Variants in LTN1 observed in about 807,000 individuals in gnomAD.
LTN1 encodes the protein listerin E3 ubiquitin protein ligase 1.
LTN1 carries 88 observed loss-of-function variants against 201.2 expected under a neutral mutation model. The observed-to-expected ratio is 0.44, with a 90% CI of 0.37 to 0.52. The LOEUF is 0.52. Among genes scored for constraint, LTN1 ranks in the 20% least tolerant of loss-of-function variants. The pLI, the probability that LTN1 is intolerant of heterozygous loss-of-function variation, is 0.00. For synonymous variants in LTN1, 645 were observed against 713.5 expected, an observed-to-expected ratio of 0.90 and a Z score of 1.53; for missense variants, 1,752 against 2,038.7, an observed-to-expected ratio of 0.86 and a Z score of 2.71.
In LTN1 at chr21:28,967,049, T is replaced by C; in HGVS notation, c.1442A>G (p.His481Arg). 1.2e-6 allele frequency: 2 copies of C among 1,614,158 alleles called. No individual in the cohort carries two copies. The highest frequency in any genetic ancestry group is 1.7e-6 in the Non-Finnish European group (2 of 1,180,026). The change falls in exon 10 of 30, where the codon CAC becomes CGC. Residue 481 changes from histidine to arginine, a missense_variant. By Grantham distance (29) the His-to-Arg change is conservative. Around this residue, in one of 3 missense-constraint regions of LTN1, gnomAD observed 1,211 missense variants for 1,312.8 expected, o/e 0.92. Coordinates refer to ENST00000361371, the MANE Select transcript of LTN1 (RefSeq NM_015565.3). ...ATGTATCAGTACGTTCTCCAAGTTG[T>C]GAGCTGTTTTTTCATCTTTTTCCGT... Reference protein sequence around the residue: ...ADTEKDEKTAHNLENVLIHFW... With the variant: ...ADTEKDEKTARNLENVLIHFW...
chr21:28,947,587 C>A lies in LTN1; in HGVS notation c.3364G>T (p.Gly1122Cys). 6.4e-7 allele frequency: 1 copy of A among 1,559,264 alleles called. No homozygotes were observed. Among genetic ancestry groups the A allele is most frequent in the East Asian group, 2.3e-5 (1 of 42,992 alleles). Residue 1122 changes from glycine (G) to cysteine (C), a missense_variant, in exon 19 of 30, where the codon GGC becomes TGC. This residue lies in a region of LTN1 where 1,211 missense variants were observed against 1,312.8 expected (regional missense o/e 0.92). Coordinates refer to ENST00000361371, the MANE Select transcript of LTN1 (RefSeq NM_015565.3). ...AGACTTTGAATGGTATGCAAATTGCCTTCAGTTAGTGGAAAAAAACTGTTT... is the reference window on the plus strand; with the variant it reads ...AGACTTTGAATGGTATGCAAATTGCATTCAGTTAGTGGAAAAAAACTGTTT... Reference protein sequence around the residue: ...RKESFFPLTEGNLHTIQSLCP... With the variant: ...RKESFFPLTECNLHTIQSLCP...
At chr21:28,936,082 A>G (rs1361971600) in intron 26 of LTN1, among the ~76,000 whole-genome samples, 1 of 152,172 alleles carries the variant, frequency 6.6e-6, no homozygotes, top group Non-Finnish European at 1.5e-5. Flanking sequence ...TACTCACAAG[A>G]TGCAGTCCAT....
chr21:28,990,710 T>C (rs1049605543), intron 1 of LTN1, among the ~76,000 whole-genome samples: 1 of 152,198 alleles, frequency 6.6e-6, no homozygotes, highest in East Asian at 1.9e-4. Flanking sequence ...CTATGAAGAA[T>C]TCCTTCTAAA....
intron 25 of LTN1, 139 bp from the exon 26 acceptor site, chr21:28,936,836 T>C: frequency 1.5e-6 from 1 of 656,508 alleles, no homozygotes; most frequent in South Asian, 2.1e-5. Context: ...AACACATTTC[T>C]AATATCTTTC....
At chr21:28,981,891 T>C (rs997990474) in intron 5 of LTN1, among the ~76,000 whole-genome samples, 1 of 152,232 alleles carries the variant, frequency 6.6e-6, no homozygotes, top group Non-Finnish European at 1.5e-5. Context: ...GTTATTTTCA[T>C]CTCTACATAT....
intron 9 of LTN1, 38 bp from the exon 10 acceptor site, chr21:28,967,217 G>A (rs1265757816): frequency 2.1e-6 from 3 of 1,436,570 alleles, no homozygotes; most frequent in Non-Finnish European, 2.9e-6. Flanking sequence ...ATATATATTT[G>A]GTCTTCAACC....
chr21:28,934,478 G>A (rs1217200540), intron 27 of LTN1, among the ~76,000 whole-genome samples: 1 of 152,092 alleles, frequency 6.6e-6, no homozygotes, highest in Non-Finnish European at 1.5e-5. Context: ...CATGAGATCT[G>A]GTTGTTTAAA....
chr21:28,957,009 A>C, intron 15 of LTN1, 61 bp from the exon 16 acceptor site: 1 of 1,046,684 alleles, frequency 9.6e-7, no homozygotes, highest in Non-Finnish European at 1.4e-6. Flanking sequence ...AGACTGAACA[A>C]AAATGAAGTT....
At position 28,930,365 on chromosome 21, in the gene LTN1, C is replaced by T. The variant is rs1601156531; in HGVS notation, c.*83G>A. On this transcript the variant is annotated 3_prime_UTR_variant, in exon 30 of 30. Transcript: ENST00000361371. ...ATTTAAAAGTAATGCTCACTGGCTT[C>T]CCCACATCCACACTTTCAGACGGAT... The T allele has an allele frequency of 3.0e-6, 3 of 997,722 alleles. No homozygotes were observed. Among genetic ancestry groups the T allele is most frequent in the Non-Finnish European group, 1.5e-6 (1 of 652,408 alleles). The allele number at this position is 997,722 out of a possible 1,614,324, so 61.8% of individuals were successfully genotyped here.
chr21:28,959,267 G>A, intron 13 of LTN1, 191 bp downstream of exon 13: 1 of 566,370 alleles, frequency 1.8e-6, no homozygotes, highest in Non-Finnish European at 3.0e-6. Context: ...GAGATCTTTA[G>A]AAATAACATC....
chr21:28,936,497 G>C, intron 26 of LTN1, 29 bp downstream of exon 26: 1 of 1,559,292 alleles, frequency 6.4e-7, no homozygotes, highest in Non-Finnish European at 8.7e-7. Context: ...TAGTGTCCAA[G>C]AAAGAACATA....
chr21:28,946,336 G>A (rs1450186561), intron 19 of LTN1, 49 bp from the exon 20 acceptor site: 3 of 1,272,402 alleles, frequency 2.4e-6, no homozygotes, highest in South Asian at 1.6e-5. Context: ...GAACTATATC[G>A]CTACTATTAA....
At chr21:28,962,729 AG>A (rs771503614) in intron 11 of LTN1, among the ~76,000 whole-genome samples, 7 of 152,242 alleles carry the variant, frequency 4.6e-5, no homozygotes, top group Non-Finnish European at 7.3e-5. Flanking sequence ...AAGCTTAGCA[AG>A]GAAGGCATGT....
At chr21:28,992,438 G>A (rs893377123) in intron 1 of LTN1, among the ~76,000 whole-genome samples, 2 of 152,060 alleles carry the variant, frequency 1.3e-5, no homozygotes, top group African/African-American at 4.8e-5. Flanking sequence ...TCTTCCCAGC[G>A]CCGCCCTCCC....
chr21:28,968,566 A>G lies in LTN1; in HGVS notation c.1311+900T>C, dbSNP rs563514715. The stretch of plus-strand genomic sequence containing the variant: ...GCTTCATGATTTATTTAAACTTACT[A>G]CAAAAGATCATAAATAGCAACTTCA... On this transcript the variant is annotated intron_variant, in intron 9 of 29. Coordinates refer to ENST00000361371, the MANE Select transcript of LTN1 (RefSeq NM_015565.3). Among the ~76,000 whole-genome samples the G allele has an allele frequency of 2.0e-4, 31 of 152,298 alleles. No homozygotes were observed. In the South Asian group the frequency reaches 2.9e-3, roughly 14 times the overall value.
chr21:28,949,358 C>T (rs56194343), intron 18 of LTN1, among the ~76,000 whole-genome samples: 3,756 of 152,200 alleles, frequency 0.025, 158 homozygotes, highest in African/African-American at 0.086. Context: ...TTTTAACTGT[C>T]ATAAAATACA....
At chr21:28,977,348 T>C (rs185041258) in intron 6 of LTN1, among the ~76,000 whole-genome samples, 1,907 of 134,218 alleles carry the variant, frequency 0.014, 17 homozygotes, top group Non-Finnish European at 0.019. Flanking sequence ...CATTCCAGCC[T>C]GGGCAACAGA....
At chr21:28,970,400 C>T (rs2146302928) in intron 8 of LTN1, 152 bp downstream of exon 8, 1 of 628,376 alleles carries the variant, frequency 1.6e-6, no homozygotes, top group South Asian at 2.0e-5. Flanking sequence ...TGAACGTACT[C>T]AAGAAAAAAA....
chr21:28,935,056 G>A (rs994790082), intron 27 of LTN1, 53 bp downstream of exon 27: 1 of 1,110,896 alleles, frequency 9.0e-7, no homozygotes, highest in Non-Finnish European at 1.4e-6. Flanking sequence ...AACAATGACA[G>A]ACATACCCAA....
Sources: allele counts gnomAD v4.1 joint callset (sites outside exome capture counted in the v4.1 genomes callset), GRCh38; gene constraint gnomAD v4.1.1; regional missense constraint gnomAD v4.1.1; transcripts MANE v1.5; gene names NCBI Gene and HGNC (gene_info 2026-07-23, HGNC 2026-07-21).